Variants in SPAG16 observed in about 807,000 individuals in gnomAD.
SPAG16 encodes sperm-associated antigen 16 protein.
In SPAG16, 86 loss-of-function variants were observed where a neutral mutation model predicts 80.4. The observed-to-expected ratio is 1.07, with a 90% CI of 0.90 to 1.28. SPAG16 has a LOEUF of 1.28. Among genes scored for constraint, SPAG16 ranks in the 50% most tolerant of loss-of-function variants. The probability of loss-of-function intolerance (pLI) is 0.00; values close to 1 mark genes in which losing one functional copy is unlikely to be tolerated. For synonymous variants in SPAG16, 294 were observed against 265.9 expected, an observed-to-expected ratio of 1.11 and a Z score of -1.03; for missense variants, 870 against 765.3, an observed-to-expected ratio of 1.14 and a Z score of -1.61.
chr2:213,812,249 T>C (rs1290598048), intron 10 of SPAG16, among the ~76,000 whole-genome samples: 2 of 152,092 alleles, frequency 1.3e-5, no homozygotes, highest in African/African-American at 4.8e-5. Context: ...CTGGAATAAG[T>C]ATGGAATAAC....
chr2:213,869,999 G>A (rs1234247447), intron 11 of SPAG16, among the ~76,000 whole-genome samples: 1 of 152,144 alleles, frequency 6.6e-6, no homozygotes, highest in Non-Finnish European at 1.5e-5. Flanking sequence ...TATTGCAATT[G>A]TACGTAGCAA....
intron 12 of SPAG16, among the ~76,000 whole-genome samples, chr2:213,968,069 A>C (rs72934017): frequency 0.15 from 22,479 of 150,728 alleles, 2,054 homozygotes; most frequent in Non-Finnish European, 0.21. Flanking sequence ...ATTCAAAATT[A>C]CTTTCCTTTC....
At chr2:213,605,577 C>T (rs1423896256) in intron 10 of SPAG16, among the ~76,000 whole-genome samples, 1 of 152,130 alleles carries the variant, frequency 6.6e-6, no homozygotes, top group African/African-American at 2.4e-5. Context: ...GCAACCTCCA[C>T]CTCCTGGGTT....
chr2:213,641,212 A>G (rs1033683177), intron 10 of SPAG16, among the ~76,000 whole-genome samples: 14 of 152,132 alleles, frequency 9.2e-5, no homozygotes, highest in African/African-American at 3.4e-4. Flanking sequence ...GTTGTCAGGG[A>G]AGTGGAGGAA....
chr2:214,397,250 G>A (rs1349502275), intron 15 of SPAG16, among the ~76,000 whole-genome samples: 1 of 150,942 alleles, frequency 6.6e-6, no homozygotes, highest in African/African-American at 2.4e-5. Flanking sequence ...CCGCCTCCTG[G>A]ATTCAAGCGA....
At chr2:214,376,747 A>T (rs538782613) in intron 15 of SPAG16, among the ~76,000 whole-genome samples, 1 of 152,266 alleles carries the variant, frequency 6.6e-6, no homozygotes, top group African/African-American at 2.4e-5. Context: ...GAAAAGGGAA[A>T]AGGTTTCATT....
At chr2:213,346,890 T>G (rs140374974) in intron 6 of SPAG16, among the ~76,000 whole-genome samples, 1,885 of 152,270 alleles carry the variant, frequency 0.012, 58 homozygotes, top group Non-Finnish European at 0.013. Context: ...AGGATGATGC[T>G]GGCCTCATAA....
chr2:213,832,676 C>T (rs1049226121), intron 10 of SPAG16, among the ~76,000 whole-genome samples: 3 of 152,092 alleles, frequency 2.0e-5, no homozygotes, highest in Non-Finnish European at 4.4e-5. Context: ...GCTAGGTTTT[C>T]CCCTCAGTCT....
chr2:213,708,013 A>G (rs190330777), intron 10 of SPAG16, among the ~76,000 whole-genome samples: 65 of 152,340 alleles, frequency 4.3e-4, no homozygotes, highest in African/African-American at 1.5e-3. Context: ...GTGAAAGTCA[A>G]TAAAGATTTT....
chr2:213,678,201 T>G (rs1484310368), intron 10 of SPAG16, among the ~76,000 whole-genome samples: 2 of 151,770 alleles, frequency 1.3e-5, no homozygotes, highest in African/African-American at 4.8e-5. Context: ...ACATCACAAT[T>G]AAAAGAACTA....
intron 10 of SPAG16, among the ~76,000 whole-genome samples, chr2:213,830,828 T>C (rs1371962077): frequency 6.6e-6 from 1 of 152,086 alleles, no homozygotes; most frequent in Non-Finnish European, 1.5e-5. Context: ...TGATTCCTAT[T>C]TTGTTGACTG....
chr2:213,292,369 A>G (rs1179777356), intron 1 of SPAG16, among the ~76,000 whole-genome samples: 2 of 152,210 alleles, frequency 1.3e-5, no homozygotes, highest in African/African-American at 4.8e-5. Context: ...ATCTCATTAT[A>G]TAAAACTATC....
At chr2:213,608,305 C>T (rs975695120) in intron 10 of SPAG16, among the ~76,000 whole-genome samples, 12 of 152,108 alleles carry the variant, frequency 7.9e-5, no homozygotes, top group African/African-American at 2.9e-4. Context: ...GGTATATCTC[C>T]TAATGCTATC....
At chr2:213,768,731 G>A (rs1445056272) in intron 10 of SPAG16, among the ~76,000 whole-genome samples, 2 of 152,282 alleles carry the variant, frequency 1.3e-5, no homozygotes, top group Admixed American at 1.3e-4. Context: ...TGGGTGTGTG[G>A]CTCAGGAGAA....
intron 15 of SPAG16, among the ~76,000 whole-genome samples, chr2:214,400,374 T>G (rs1421324370): frequency 6.6e-6 from 1 of 151,928 alleles, no homozygotes; most frequent in Non-Finnish European, 1.5e-5. Flanking sequence ...AATCACAGAT[T>G]GAAAATATTC....
At chr2:213,846,599 G>A (rs1336554719) in intron 10 of SPAG16, among the ~76,000 whole-genome samples, 2 of 151,766 alleles carry the variant, frequency 1.3e-5, no homozygotes, top group East Asian at 3.9e-4. Flanking sequence ...AATAATAATG[G>A]AGTTATTTTT....
At chr2:213,615,892 TG>T (rs1348577369) in intron 10 of SPAG16, among the ~76,000 whole-genome samples, 1 of 151,598 alleles carries the variant, frequency 6.6e-6, no homozygotes, top group Non-Finnish European at 1.5e-5. Context: ...TAGTCCATTT[TG>T]GGGGTGGGGG....
chr2:213,650,639 A>T (rs1476282368), intron 10 of SPAG16, among the ~76,000 whole-genome samples: 1 of 152,218 alleles, frequency 6.6e-6, no homozygotes, highest in African/African-American at 2.4e-5. Context: ...AATTTCTGCA[A>T]TCAGTCATGT....
At chr2:213,841,884 T>A (rs1451379738) in intron 10 of SPAG16, among the ~76,000 whole-genome samples, 1 of 152,136 alleles carries the variant, frequency 6.6e-6, no homozygotes, top group Non-Finnish European at 1.5e-5. Flanking sequence ...CTCTACATTC[T>A]TTAGGATCTA....
Sources: gnomAD v4.1 joint callset for allele counts (sites outside exome capture counted in the v4.1 genomes callset) on GRCh38, gnomAD v4.1.1 for gene constraint, MANE v1.5 for transcripts, NCBI Gene and HGNC (gene_info 2026-07-23, HGNC 2026-07-21) for gene names.